Variants in ENOX1 observed in about 807,000 individuals in gnomAD.
ENOX1 encodes candidate growth-related and time keeping constitutive hydroquinone (NADH) oxidase.
ENOX1 carries 42 observed loss-of-function variants against 82.5 expected under a neutral mutation model. That is an observed-to-expected ratio of 0.51 (90% CI 0.40 to 0.66). The LOEUF (loss-of-function observed/expected upper bound fraction) is 0.66, where lower values mean the gene tolerates loss of function less well. Ranked by LOEUF, ENOX1 falls within the 30% of genes least tolerant of loss-of-function variation. ENOX1 has a pLI of 0.00. For missense variants in ENOX1, 608 were observed against 811.6 expected (o/e 0.75, Z 3.05); for synonymous variants, 271 against 282.2 (o/e 0.96, Z 0.40).
chr13:43,777,920 T>G (rs376269002), intron 1 of ENOX1, among the ~76,000 whole-genome samples: 41 of 152,180 alleles, frequency 2.7e-4, no homozygotes, highest in African/African-American at 9.4e-4. Flanking sequence ...TAACAAGGCT[T>G]CTTCTTTTCT....
intron 1 of ENOX1, among the ~76,000 whole-genome samples, chr13:43,699,215 A>G (rs2086791111): frequency 6.6e-6 from 1 of 152,180 alleles, no homozygotes; most frequent in Non-Finnish European, 1.5e-5. Flanking sequence ...CTAAGAAATG[A>G]CTTGAGGGAA....
At chr13:43,214,936 A>C (rs1224851284) in intron 16 of ENOX1, among the ~76,000 whole-genome samples, 1 of 152,186 alleles carries the variant, frequency 6.6e-6, no homozygotes, top group Non-Finnish European at 1.5e-5. Context: ...CTCTGTTTGA[A>C]TCCTGTATCT....
intron 14 of ENOX1, among the ~76,000 whole-genome samples, chr13:43,243,451 C>T (rs946368524): frequency 2.0e-5 from 3 of 152,124 alleles, no homozygotes; most frequent in Admixed American, 6.5e-5. Flanking sequence ...CTCGGTTCTA[C>T]GTGTTTCATA....
chr13:43,337,255 C>A (rs1293940995), intron 9 of ENOX1, among the ~76,000 whole-genome samples: 3 of 152,094 alleles, frequency 2.0e-5, no homozygotes, highest in Non-Finnish European at 2.9e-5. Context: ...CTTCTATGTG[C>A]TTACAAGAAT....
intron 1 of ENOX1, among the ~76,000 whole-genome samples, chr13:43,785,852 G>A (rs917544124): frequency 1.3e-5 from 2 of 152,190 alleles, no homozygotes; most frequent in Admixed American, 6.5e-5. Flanking sequence ...GGCCGTGCAG[G>A]GGGAGGACGT....
intron 2 of ENOX1, among the ~76,000 whole-genome samples, chr13:43,591,536 G>C (rs767654925): frequency 1.5e-4 from 23 of 152,192 alleles, no homozygotes; most frequent in Non-Finnish European, 2.9e-4. Flanking sequence ...CTGGAGAAAA[G>C]TACGTAGGAG....
intron 2 of ENOX1, among the ~76,000 whole-genome samples, chr13:43,506,530 TGC>T (rs1202741025): frequency 7.3e-6 from 1 of 137,318 alleles, no homozygotes; most frequent in East Asian, 1.9e-4. Context: ...TAAAGACACA[TGC>T]ACACATATGT....
chr13:43,364,501 C>T (rs1219934191), intron 5 of ENOX1, among the ~76,000 whole-genome samples: 6 of 151,968 alleles, frequency 3.9e-5, no homozygotes, highest in Admixed American at 6.6e-5. Context: ...AGCCAAGGCT[C>T]GGCAAAGGTT....
chr13:43,393,516 A>G (rs1318479563), intron 5 of ENOX1, among the ~76,000 whole-genome samples: 3 of 152,160 alleles, frequency 2.0e-5, no homozygotes, highest in African/African-American at 7.2e-5. Flanking sequence ...TCTTCCCATT[A>G]AGAGGCTCAT....
intron 3 of ENOX1, among the ~76,000 whole-genome samples, chr13:43,481,331 G>A (rs1020706539): frequency 6.6e-6 from 1 of 152,032 alleles, no homozygotes; most frequent in Non-Finnish European, 1.5e-5. Context: ...CAATGGAAGA[G>A]GATAGAGAGT....
chr13:43,606,037 C>A (rs934921969), intron 2 of ENOX1, among the ~76,000 whole-genome samples: 2 of 151,992 alleles, frequency 1.3e-5, no homozygotes, highest in Non-Finnish European at 2.9e-5. Context: ...ATGCCAATGG[C>A]AAACATGTAT....
chr13:43,591,485 C>G (rs2081243329), intron 2 of ENOX1, among the ~76,000 whole-genome samples: 2 of 152,162 alleles, frequency 1.3e-5, no homozygotes, highest in African/African-American at 4.8e-5. Context: ...ATAAAAGGCA[C>G]AGAAAGGAGG....
At chr13:43,431,988 T>A (rs2055701087) in intron 3 of ENOX1, among the ~76,000 whole-genome samples, 1 of 152,164 alleles carries the variant, frequency 6.6e-6, no homozygotes, top group Admixed American at 6.5e-5. Flanking sequence ...ACCCCAGAGC[T>A]TAAATTATTC....
At chr13:43,478,681 C>T (rs2058389240) in intron 3 of ENOX1, among the ~76,000 whole-genome samples, 1 of 152,106 alleles carries the variant, frequency 6.6e-6, no homozygotes, top group Non-Finnish European at 1.5e-5. Flanking sequence ...TCATTTTCAA[C>T]ACTGTACTCA....
At chr13:43,406,922 A>G (rs2053835806) in intron 5 of ENOX1, among the ~76,000 whole-genome samples, 1 of 152,226 alleles carries the variant, frequency 6.6e-6, no homozygotes, top group Non-Finnish European at 1.5e-5. Context: ...ATAGGAAAGG[A>G]GATTTCAAAA....
chr13:43,728,279 A>G (rs2089115305), intron 1 of ENOX1, among the ~76,000 whole-genome samples: 1 of 152,196 alleles, frequency 6.6e-6, no homozygotes, highest in African/African-American at 2.4e-5. Context: ...AAAATCGTTA[A>G]GTCTTAGTTC....
At chr13:43,316,168 T>TG (rs1390712678) in intron 11 of ENOX1, among the ~76,000 whole-genome samples, 1 of 152,206 alleles carries the variant, frequency 6.6e-6, no homozygotes, top group African/African-American at 2.4e-5. Flanking sequence ...TGACAGGAGC[T>TG]GGGAACATGC....
intron 11 of ENOX1, among the ~76,000 whole-genome samples, chr13:43,304,055 C>A (rs1246357358): frequency 6.6e-6 from 1 of 152,200 alleles, no homozygotes; most frequent in Non-Finnish European, 1.5e-5. Flanking sequence ...TGAGCCCCGA[C>A]TCCATGTTCT....
At chr13:43,516,505 T>G (rs1400806318) in intron 2 of ENOX1, among the ~76,000 whole-genome samples, 1 of 152,098 alleles carries the variant, frequency 6.6e-6, no homozygotes, top group Non-Finnish European at 1.5e-5. Context: ...AAGCAAGGAT[T>G]TTGAGAACTC....
Sources: allele counts gnomAD v4.1 joint callset (sites outside exome capture counted in the v4.1 genomes callset), GRCh38; gene constraint gnomAD v4.1.1; transcripts MANE v1.5; gene names NCBI Gene and HGNC (gene_info 2026-07-23, HGNC 2026-07-21).